The following RPTOR variants were observed in gnomAD, a reference collection of about 807,000 sequenced individuals.
The protein encoded by RPTOR is regulatory associated protein of MTOR complex 1.
RPTOR carries 21 observed loss-of-function variants against 169.9 expected under a neutral mutation model. The ratio of observed to expected loss-of-function variants is 0.12; its 90% CI spans 0.09 to 0.18. The LOEUF (loss-of-function observed/expected upper bound fraction) is 0.18. Among genes scored for constraint, RPTOR ranks in the 10% least tolerant of loss-of-function variants. The probability of loss-of-function intolerance (pLI) is 1.00; values close to 1 mark genes in which losing one functional copy is unlikely to be tolerated. For missense variants in RPTOR, 1,133 were observed against 1,855.9 expected, an observed-to-expected ratio of 0.61 and a Z score of 7.16; for synonymous variants, 732 against 753.2, an observed-to-expected ratio of 0.97 and a Z score of 0.46.
intron 20 of RPTOR, among the ~76,000 whole-genome samples, chr17:80,903,162 G>A (rs545445488): frequency 3.3e-5 from 5 of 152,334 alleles, no homozygotes; most frequent in Admixed American, 6.5e-5. Context: ...GCCTGGAGCC[G>A]GCCCTGGTGC....
intron 13 of RPTOR, among the ~76,000 whole-genome samples, chr17:80,864,776 G>A (rs1218622239): frequency 6.6e-6 from 1 of 152,156 alleles, no homozygotes; most frequent in East Asian, 1.9e-4. Context: ...TTCTTTAAAA[G>A]ATAATTGTTT....
intron 3 of RPTOR, among the ~76,000 whole-genome samples, chr17:80,681,984 T>C (rs918525830): frequency 2.6e-5 from 4 of 152,212 alleles, no homozygotes; most frequent in Non-Finnish European, 4.4e-5. Flanking sequence ...TTTGATGTGA[T>C]ATAATCTTAT....
At chr17:80,671,165 G>A (rs1245674502) in intron 3 of RPTOR, among the ~76,000 whole-genome samples, 3 of 152,142 alleles carry the variant, frequency 2.0e-5, no homozygotes, top group African/African-American at 4.8e-5. Context: ...CATCTCTGCC[G>A]TGTTGCTCCA....
chr17:80,563,332 A>G (rs910353248), intron 1 of RPTOR, among the ~76,000 whole-genome samples: 1 of 151,880 alleles, frequency 6.6e-6, no homozygotes, highest in African/African-American at 2.4e-5. Flanking sequence ...CAGGAGTTCG[A>G]GAACAGCCTG....
intron 5 of RPTOR, among the ~76,000 whole-genome samples, chr17:80,747,680 C>G (rs1335003714): frequency 2.6e-5 from 4 of 152,214 alleles, no homozygotes; most frequent in Non-Finnish European, 5.9e-5. Flanking sequence ...CAGATGCAAA[C>G]CCAGCAGCGT....
At chr17:80,662,220 G>GCC (rs1487239198) in intron 3 of RPTOR, among the ~76,000 whole-genome samples, 1 of 152,186 alleles carries the variant, frequency 6.6e-6, no homozygotes, top group Non-Finnish European at 1.5e-5. Context: ...GCCGAGGCCA[G>GCC]CCGCCTTCTG....
At position 80,880,417 on chromosome 17, in the gene RPTOR, G is replaced by A. The variant is rs745446761; in HGVS notation, c.1512G>A (p.Ser504=). 7.4e-6 allele frequency: 12 copies of A among 1,613,746 alleles called. No individual in the cohort carries two copies. Among genetic ancestry groups the A allele is most frequent in the South Asian group, 3.3e-5 (3 of 91,078 alleles). ...CTCCTCTGTCTCTTTCTGTCCAGTCGTGCCAAGCGGACCTCGTGAAGGACA... is the reference window on the plus strand; with the variant it reads ...CTCCTCTGTCTCTTTCTGTCCAGTCATGCCAAGCGGACCTCGTGAAGGACA... ...IWAKILAVDS[S]CQADLVKDNG... The change falls in exon 14 of 34, where the codon TCG becomes TCA. Residue 504 remains serine (S), a splice_region_variant and synonymous_variant. Transcript: ENST00000306801.
chr17:80,689,264 A>G (rs950611305), intron 3 of RPTOR, among the ~76,000 whole-genome samples: 1 of 152,226 alleles, frequency 6.6e-6, no homozygotes, highest in Non-Finnish European at 1.5e-5. Context: ...CATTATTCCT[A>G]GAGAGGTTGC....
rs2084509756 is a variant in RPTOR at position 80,562,338 on chromosome 17, C to A, written c.162+16547C>A. 6.6e-6 allele frequency among the ~76,000 whole-genome samples: 1 copy of A among 152,196 alleles called. No individual in the cohort carries two copies. The highest frequency in any genetic ancestry group is 1.5e-5 in the Non-Finnish European group (1 of 68,042). On this transcript the variant is annotated intron_variant, in intron 1 of 33. Coordinates refer to ENST00000306801, the MANE Select transcript of RPTOR (RefSeq NM_020761.3). This position sits in a 1 kb window ranked among gnomAD's most constrained non-coding sequence, Gnocchi z 4.4. ...ATTGTTGCCTAAAACGATCGCTGAT[C>A]TTGTGCCCCTCAGTGTGTGGCCTTC...
intron 24 of RPTOR, among the ~76,000 whole-genome samples, chr17:80,934,104 A>G (rs115053501): frequency 0.024 from 3,661 of 151,786 alleles, 127 homozygotes; most frequent in African/African-American, 0.084. Context: ...ATTCAGTAGC[A>G]AAGAGATAAC....
chr17:80,773,906 C>G lies in RPTOR; in HGVS notation c.831-17544C>G, dbSNP rs74639601. 1.0e-4 allele frequency: 102 copies of G among 984,198 alleles called. No individual in the cohort carries two copies. In the African/African-American group the frequency reaches 1.7e-3, roughly 17 times the overall value. 61.0% of individuals were successfully genotyped at this position (984,198 alleles called of 1,614,324 possible). A position where few individuals can be genotyped will look rare whatever the true frequency, so the allele number is the denominator to read the frequency against. On this transcript the variant is annotated intron_variant, in intron 6 of 33. Coordinates refer to ENST00000306801, the MANE Select transcript of RPTOR (RefSeq NM_020761.3). ...TCGACCGCTTCTGATTCCCTCCAGA[C>G]AGCTCCCGGTGGACACGCAGGGCTA...
intron 1 of RPTOR, among the ~76,000 whole-genome samples, chr17:80,587,564 T>G (rs2065071744): frequency 1.3e-5 from 2 of 152,240 alleles, no homozygotes; most frequent in African/African-American, 4.8e-5. Context: ...TTGTTTCTGC[T>G]GCACCACACT....
Position 80,645,635 on chromosome 17 carries a change from G to A in RPTOR, c.348+1825G>A, listed in dbSNP as rs551110128. 1.2e-4 allele frequency among the ~76,000 whole-genome samples: 18 copies of A among 152,246 alleles called. No individual in the cohort carries two copies. In the East Asian group the frequency reaches 3.1e-3, roughly 26 times the overall value. On this transcript the variant is annotated intron_variant, in intron 3 of 33. Coordinates refer to ENST00000306801, the MANE Select transcript of RPTOR (RefSeq NM_020761.3). ...TTCGCTTGGTAGATATCAGCTAGTTGATGCTAGCTGACAGGAAATGGAATC... is the reference window on the plus strand; with the variant it reads ...TTCGCTTGGTAGATATCAGCTAGTTAATGCTAGCTGACAGGAAATGGAATC...
chr17:80,893,842 A>C lies in RPTOR; in HGVS notation c.2378A>C (p.Tyr793Ser), dbSNP rs2068364720. 1.3e-5 allele frequency: 19 copies of C among 1,511,166 alleles called. No individual in the cohort carries two copies. Among genetic ancestry groups the C allele is most frequent in the Middle Eastern group, 1.8e-4 (1 of 5,618 alleles). 93.6% of individuals were successfully genotyped at this position (1,511,166 alleles called of 1,614,324 possible). A position where few individuals can be genotyped will look rare whatever the true frequency, so the allele number is the denominator to read the frequency against. The change falls in exon 20 of 34, where the codon TAC (tyrosine) becomes TCC (serine). Residue 793 changes from tyrosine (Y) to serine (S), a missense_variant. Physicochemically the swap from Tyr to Ser is moderately radical, Grantham distance 144. This residue lies in a region of RPTOR where 150 missense variants were observed against 206.4 expected (regional missense o/e 0.73). Transcript: ENST00000306801. ...TIDKMRRASS[Y>S]SSLNSLIGVS... ...GACAAGATGCGCCGCGCCAGCTCCTACTCCTCCCTCAACTCCCTCATCGGT... is the reference window on the plus strand; with the variant it reads ...GACAAGATGCGCCGCGCCAGCTCCTCCTCCTCCCTCAACTCCCTCATCGGT...
intron 1 of RPTOR, among the ~76,000 whole-genome samples, chr17:80,580,471 G>A (rs1424140653): frequency 1.3e-5 from 2 of 152,164 alleles, no homozygotes; most frequent in African/African-American, 2.4e-5. Context: ...TTAAGTAGAC[G>A]CTTGACCGTT....
chr17:80,895,377 T>C (rs899570086), intron 20 of RPTOR, among the ~76,000 whole-genome samples: 4 of 152,200 alleles, frequency 2.6e-5, no homozygotes, highest in African/African-American at 9.6e-5. Flanking sequence ...TGCTCCCTTT[T>C]CCTGCTTTAT....
At chr17:80,766,708 G>T (rs1329058158) in intron 6 of RPTOR, among the ~76,000 whole-genome samples, 1 of 152,140 alleles carries the variant, frequency 6.6e-6, no homozygotes, top group Non-Finnish European at 1.5e-5. Flanking sequence ...ACTAGGGAAA[G>T]AAACAGGCAC....
intron 3 of RPTOR, among the ~76,000 whole-genome samples, chr17:80,692,501 A>C (rs532450462): frequency 6.6e-6 from 1 of 152,108 alleles, no homozygotes; most frequent in African/African-American, 2.4e-5. Flanking sequence ...TTGTATTTTC[A>C]GTAGAGATGG....
At chr17:80,854,381 CAGTG>C (rs1239390701) in intron 11 of RPTOR, among the ~76,000 whole-genome samples, 1 of 152,252 alleles carries the variant, frequency 6.6e-6, no homozygotes, top group Non-Finnish European at 1.5e-5. Flanking sequence ...AGTCACACCG[CAGTG>C]AGCGCTGCTG....
Sources: allele counts gnomAD v4.1 joint callset (sites outside exome capture counted in the v4.1 genomes callset), GRCh38; gene constraint gnomAD v4.1.1; regional missense constraint gnomAD v4.1.1; non-coding constraint Gnocchi (gnomAD v3.1); transcripts MANE v1.5; gene names NCBI Gene and HGNC (gene_info 2026-07-23, HGNC 2026-07-21).